Variants in CBL observed in about 807,000 individuals in gnomAD.
CBL encodes the protein E3 ubiquitin-protein ligase CBL.
In CBL, 45 loss-of-function variants were observed where a neutral mutation model predicts 96.9. The ratio of observed to expected loss-of-function variants is 0.46; its 90% CI spans 0.37 to 0.60. The LOEUF is 0.60. Ranked by LOEUF, CBL falls within the 20% of genes least tolerant of loss-of-function variation. The pLI is 0.00. For missense variants in CBL, 1,024 were observed against 1,143.5 expected, an observed-to-expected ratio of 0.90 and a Z score of 1.51; for synonymous variants, 420 against 426.8, an observed-to-expected ratio of 0.98 and a Z score of 0.20.
chr11:119,212,298 C>A (rs1049392088), intron 1 of CBL, among the ~76,000 whole-genome samples: 1 of 151,912 alleles, frequency 6.6e-6, no homozygotes, highest in African/African-American at 2.4e-5. Context: ...AAATCATGAG[C>A]TTAAAAAAAA....
intron 12 of CBL, among the ~76,000 whole-genome samples, chr11:119,295,854 G>A (rs1250709497): frequency 6.6e-6 from 1 of 152,106 alleles, no homozygotes; most frequent in Non-Finnish European, 1.5e-5. Flanking sequence ...TATTATACTT[G>A]TTTTATCAGA....
At chr11:119,294,385 C>T (rs529136109) in intron 12 of CBL, among the ~76,000 whole-genome samples, 4 of 151,032 alleles carry the variant, frequency 2.6e-5, no homozygotes, top group Middle Eastern at 3.4e-3. Context: ...GCCAAGATCA[C>T]GCCATTGCAC....
intron 2 of CBL, among the ~76,000 whole-genome samples, chr11:119,254,654 T>C (rs1289840399): frequency 6.6e-6 from 1 of 152,096 alleles, no homozygotes; most frequent in Non-Finnish European, 1.5e-5. Context: ...CAGGCTGGAA[T>C]GCAGTGGTGC....
At chr11:119,224,442 T>C (rs975722487) in intron 1 of CBL, among the ~76,000 whole-genome samples, 2 of 152,134 alleles carry the variant, frequency 1.3e-5, no homozygotes, top group African/African-American at 4.8e-5. Context: ...TTTGACTCCC[T>C]GCCAAAAGTT....
chr11:119,218,536 A>G (rs550826938), intron 1 of CBL, among the ~76,000 whole-genome samples: 2 of 152,340 alleles, frequency 1.3e-5, no homozygotes, highest in South Asian at 4.1e-4. Flanking sequence ...TTTAAATTGT[A>G]TGCTGTTCTG....
At chr11:119,263,371 A>G (rs1436222195) in intron 2 of CBL, among the ~76,000 whole-genome samples, 1 of 152,196 alleles carries the variant, frequency 6.6e-6, no homozygotes, top group Non-Finnish European at 1.5e-5. Context: ...TTTGATAGAA[A>G]TATGAGGGGA....
chr11:119,306,667 G>A lies in CBL; in HGVS notation c.*6886G>A, dbSNP rs542495083. On this transcript the variant is annotated 3_prime_UTR_variant, in exon 16 of 16. Coordinates refer to ENST00000264033, the MANE Select transcript of CBL (RefSeq NM_005188.4). Reference sequence around the variant, plus strand: ...AACTACTTATGAGTCTGTAGACCACGTGTTGTCTTCCATGGCCTGTTTCTC... The same window carrying A: ...AACTACTTATGAGTCTGTAGACCACATGTTGTCTTCCATGGCCTGTTTCTC... 45 of 293,090 alleles carry A rather than the reference G, an allele frequency of 1.5e-4. No homozygotes were observed. Among genetic ancestry groups the A allele is most frequent in the Admixed American group, 9.3e-4 (18 of 19,344 alleles). The allele number at this position is 293,090 out of a possible 1,614,324, so 18.2% of individuals were successfully genotyped here. A position where few individuals can be genotyped will look rare whatever the true frequency, so the allele number is the denominator to read the frequency against.
chr11:119,207,419 G>A (rs758415128), intron 1 of CBL, among the ~76,000 whole-genome samples: 18 of 152,176 alleles, frequency 1.2e-4, no homozygotes, highest in Non-Finnish European at 2.1e-4. Flanking sequence ...CGCTTGAGCT[G>A]GGTTCTTTTT....
chr11:119,282,279 A>C (rs1408455885), intron 9 of CBL, among the ~76,000 whole-genome samples: 2 of 151,968 alleles, frequency 1.3e-5, no homozygotes, highest in Admixed American at 1.3e-4. Flanking sequence ...CAGAGGTTGC[A>C]GCGAGCTGAG....
intron 1 of CBL, among the ~76,000 whole-genome samples, chr11:119,227,154 C>T (rs1949465504): frequency 6.6e-6 from 1 of 152,102 alleles, no homozygotes; most frequent in Non-Finnish European, 1.5e-5. Flanking sequence ...ACTTTTAGTA[C>T]AGTATTCAAT....
intron 12 of CBL, among the ~76,000 whole-genome samples, chr11:119,296,688 A>G (rs1312146233): frequency 6.6e-6 from 1 of 152,230 alleles, no homozygotes; most frequent in Non-Finnish European, 1.5e-5. Flanking sequence ...AGCCCAGTAT[A>G]TCACCTCTGA....
chr11:119,232,016 C>T (rs530713652), intron 1 of CBL, among the ~76,000 whole-genome samples: 1 of 152,086 alleles, frequency 6.6e-6, no homozygotes, highest in South Asian at 2.1e-4. Flanking sequence ...GTGGGAGGAT[C>T]ACCTGAATCT....
Position 119,297,452 on chromosome 11 carries a change from C to T in CBL, c.2222C>T (p.Ala741Val), listed in dbSNP as rs763213265. 40 of 1,612,926 alleles carry T rather than the reference C, an allele frequency of 2.5e-5. No individual in the cohort carries two copies. Among genetic ancestry groups the T allele is most frequent in the African/African-American group, 2.7e-5 (2 of 74,798 alleles). The part of the protein sequence containing the change: ...YEAMYNIQSQ[A>V]PSITESSTFG... Reference sequence around the variant, plus strand: ...GCAATGTATAATATTCAGTCCCAGGCGCCATCTATCACCGAGAGCAGCACC... The same window carrying T: ...GCAATGTATAATATTCAGTCCCAGGTGCCATCTATCACCGAGAGCAGCACC... The change falls in exon 14 of 16, where the codon GCG (alanine) becomes GTG (valine). Residue 741 changes from alanine (A) to valine (V), a missense_variant. Ala to Val is a moderately conservative substitution (Grantham distance 64). This residue lies in a region of CBL where 695 missense variants were observed against 661.6 expected (regional missense o/e 1.05). Coordinates refer to ENST00000264033, the MANE Select transcript of CBL (RefSeq NM_005188.4).
At chr11:119,236,604 T>TATATATAC (rs1401736893) in intron 2 of CBL, among the ~76,000 whole-genome samples, 4 of 145,164 alleles carry the variant, frequency 2.8e-5, no homozygotes, top group African/African-American at 1.0e-4. Flanking sequence ...AGTATATATA[T>TATATATAC]ATATATATAT....
Position 119,306,598 on chromosome 11 carries a change from A to G in CBL, c.*6817A>G, listed in dbSNP as rs1950144004. On this transcript the variant is annotated 3_prime_UTR_variant, in exon 16 of 16. Transcript: ENST00000264033. The stretch of plus-strand genomic sequence containing the variant: ...CCTACCTCTGACCTTCTTGTGGGTG[A>G]GGGTGGCCATGCTTATGGCCATCTT... 2 of 380,586 alleles carry G rather than the reference A, an allele frequency of 5.3e-6. No homozygotes were observed. The highest frequency in any genetic ancestry group is 9.3e-6 in the Non-Finnish European group (2 of 214,700). The allele number at this position is 380,586 out of a possible 1,614,324, so 23.6% of individuals were successfully genotyped here. A position where few individuals can be genotyped will look rare whatever the true frequency, so the allele number is the denominator to read the frequency against.
At chr11:119,216,225 C>G (rs1255180235) in intron 1 of CBL, among the ~76,000 whole-genome samples, 2 of 152,218 alleles carry the variant, frequency 1.3e-5, no homozygotes, top group African/African-American at 4.8e-5. Flanking sequence ...GCTGCCTTCC[C>G]TGTGGCTTGG....
chr11:119,213,909 T>A (rs1230197057), intron 1 of CBL, among the ~76,000 whole-genome samples: 2 of 152,030 alleles, frequency 1.3e-5, no homozygotes, highest in Middle Eastern at 3.4e-3. Flanking sequence ...AATAACTGCA[T>A]GGAAAAGGTA....
intron 1 of CBL, among the ~76,000 whole-genome samples, chr11:119,225,362 G>T (rs1176331909): frequency 6.6e-6 from 1 of 152,086 alleles, no homozygotes; most frequent in Non-Finnish European, 1.5e-5. Context: ...CTCCCAAAGT[G>T]CTGGGATTAC....
chr11:119,296,980 A>G lies in CBL; in HGVS notation c.2099A>G (p.Tyr700Cys). Residue 700 changes from tyrosine (Y) to cysteine (C), a missense_variant, in exon 13 of 16, where the codon TAC (tyrosine) becomes TGC (cysteine). Around this residue, in one of 4 missense-constraint regions of CBL, gnomAD observed 695 missense variants for 661.6 expected, o/e 1.05. Transcript: ENST00000264033. ...TGTGAGGGTGAAGAGGACACAGAGT[A>G]CATGACTCCCTCTTCCAGGCCTCTA... is the stretch of plus-strand genomic sequence containing the variant. ...EQCEGEEDTE[Y>C]MTPSSRPLRP... 1 of 1,612,712 alleles carries G rather than the reference A, an allele frequency of 6.2e-7. No individual in the cohort carries two copies. Among genetic ancestry groups the G allele is most frequent in the South Asian group, 1.1e-5 (1 of 91,062 alleles).
Sources: gnomAD v4.1 joint callset for allele counts (sites outside exome capture counted in the v4.1 genomes callset) on GRCh38, gnomAD v4.1.1 for gene constraint, gnomAD v4.1.1 regional missense constraint, MANE v1.5 for transcripts, NCBI Gene and HGNC (gene_info 2026-07-23, HGNC 2026-07-21) for gene names.